CEP89: variants seen among roughly 807,000 people sequenced by gnomAD.
The protein encoded by CEP89 is centrosomal protein of 89 kDa.
A neutral mutation model predicts 97.6 loss-of-function variants in CEP89; 95 were observed. That is an observed-to-expected ratio of 0.97 (90% CI 0.82 to 1.15). The LOEUF (loss-of-function observed/expected upper bound fraction) is 1.15. Among genes scored for constraint, CEP89 ranks in the 50% most tolerant of loss-of-function variants. The pLI is 0.00. For missense variants in CEP89, 869 were observed against 947.7 expected (o/e 0.92, Z 1.09); for synonymous variants, 354 against 349.1 (o/e 1.01, Z -0.16).
chr19:32,943,899 C>T (rs1449167208), intron 5 of CEP89, among the ~76,000 whole-genome samples: 3 of 151,870 alleles, frequency 2.0e-5, no homozygotes, highest in African/African-American at 7.3e-5. Flanking sequence ...GGTCCGTGGA[C>T]GTGCAAGGGG....
At chr19:32,893,333 A>G (rs906554128) in intron 16 of CEP89, among the ~76,000 whole-genome samples, 9 of 152,220 alleles carry the variant, frequency 5.9e-5, no homozygotes, top group African/African-American at 1.7e-4. Flanking sequence ...ATAAGAGGAC[A>G]TATACTCTAA....
chr19:32,899,751 G>A, intron 16 of CEP89, 106 bp downstream of exon 16: 2 of 1,100,858 alleles, frequency 1.8e-6, no homozygotes, highest in African/African-American at 1.6e-5. Flanking sequence ...CGTAAGTCAG[G>A]GAATGCCTGG....
chr19:32,904,027 G>A (rs970636582), intron 14 of CEP89, among the ~76,000 whole-genome samples: 6 of 152,214 alleles, frequency 3.9e-5, no homozygotes, highest in African/African-American at 1.4e-4. Flanking sequence ...GGGAGCAGTG[G>A]CACATGCCTG....
intron 17 of CEP89, among the ~76,000 whole-genome samples, chr19:32,886,520 G>A (rs1392446456): frequency 2.0e-5 from 3 of 152,158 alleles, no homozygotes; most frequent in Admixed American, 6.5e-5. Flanking sequence ...ATTTTGCAGG[G>A]ATTTCCTGAA....
At chr19:32,880,734 G>A (rs1013924554) in intron 18 of CEP89, among the ~76,000 whole-genome samples, 16 of 151,692 alleles carry the variant, frequency 1.1e-4, no homozygotes, top group African/African-American at 2.9e-4. Context: ...GGCTGAACTC[G>A]AAAGAACAGG....
intron 14 of CEP89, among the ~76,000 whole-genome samples, chr19:32,904,835 C>T (rs1449424713): frequency 6.6e-6 from 1 of 152,190 alleles, no homozygotes; most frequent in Non-Finnish European, 1.5e-5. Context: ...CATGATCCAC[C>T]TGCCTCAGCC....
Position 32,878,969 on chromosome 19 carries a change from A to AAT in CEP89, c.*192_*193insAT, listed in dbSNP as rs1969218660. ...AGAGTGAGACCCTAGCTCTAAAAAA[A>AAT]AAAAAAAATTAAAAAATAAAGCAAA... On this transcript the variant is annotated 3_prime_UTR_variant, in exon 19 of 19. Transcript: ENST00000305768. The AAT allele has an allele frequency of 2.8e-5, 13 of 464,622 alleles. 1 individual carries two copies. Among genetic ancestry groups the AAT allele is most frequent in the South Asian group, 5.2e-5 (1 of 19,210 alleles). The allele number at this position is 464,622 out of a possible 1,614,324, so 28.8% of individuals were successfully genotyped here. A position where few individuals can be genotyped will look rare whatever the true frequency, so the allele number is the denominator to read the frequency against.
intron 12 of CEP89, among the ~76,000 whole-genome samples, chr19:32,921,023 G>C (rs1568560881): frequency 1.3e-5 from 2 of 151,498 alleles, no homozygotes; most frequent in African/African-American, 2.4e-5. Context: ...TTGGAGACCA[G>C]CCTGTCCAAC....
rs1755534817 is a variant in CEP89 at position 32,926,246 on chromosome 19, A to G, written c.1108T>C (p.Leu370=). The G allele has an allele frequency of 1.2e-6, 2 of 1,613,170 alleles. No individual in the cohort carries two copies. Among genetic ancestry groups the G allele is most frequent in the South Asian group, 2.2e-5 (2 of 91,054 alleles). ...LLDIKYLSPL[L]LAYEDMMKEK... ...TTCATCATATCTTCATAAGCCAGCA[A>G]CAATGGTGACAGGTACTTTATATCC... Residue 370 remains leucine (L), a synonymous_variant, in exon 11 of 19, where the codon TTG becomes CTG. Transcript: ENST00000305768.
At chr19:32,951,930 T>C (rs749086304) in intron 4 of CEP89, among the ~76,000 whole-genome samples, 1 of 152,082 alleles carries the variant, frequency 6.6e-6, no homozygotes, top group Admixed American at 6.6e-5. Context: ...TATGACTCTA[T>C]GTGTAACATC....
chr19:32,900,832 C>A (rs8111033), intron 15 of CEP89, among the ~76,000 whole-genome samples: 46,136 of 151,496 alleles, frequency 0.3, 7,376 homozygotes, highest in Admixed American at 0.4. Context: ...CATTTTATAG[C>A]CACTATTAGA....
At chr19:32,959,651 C>CT (rs1343524113) in intron 3 of CEP89, among the ~76,000 whole-genome samples, 1 of 152,178 alleles carries the variant, frequency 6.6e-6, no homozygotes, top group Non-Finnish European at 1.5e-5. Flanking sequence ...AAGTCAAAAT[C>CT]TAACAAGATC....
At chr19:32,884,076 A>C (rs1969343298) in intron 17 of CEP89, among the ~76,000 whole-genome samples, 1 of 152,048 alleles carries the variant, frequency 6.6e-6, no homozygotes, top group South Asian at 2.1e-4. Context: ...TCGAACTCTC[A>C]GACTCAACTC....
chr19:32,965,216 T>C (rs772929284), intron 2 of CEP89, among the ~76,000 whole-genome samples: 2 of 152,056 alleles, frequency 1.3e-5, no homozygotes, highest in Non-Finnish European at 2.9e-5. Flanking sequence ...TTGGGCAACA[T>C]AGTGAGACCT....
intron 1 of CEP89, among the ~76,000 whole-genome samples, chr19:32,966,959 G>C (rs112837473): frequency 6.6e-6 from 1 of 152,076 alleles, no homozygotes; most frequent in Non-Finnish European, 1.5e-5. Flanking sequence ...ACGAGTAGAC[G>C]GGACTACAGA....
Position 32,879,086 on chromosome 19 carries a change from G to T in CEP89, c.*76C>A. On this transcript the variant is annotated 3_prime_UTR_variant, in exon 19 of 19. Coordinates refer to ENST00000305768, the MANE Select transcript of CEP89 (RefSeq NM_032816.5). ...TACGCACCTCCGGCTGCCACCATGG[G>T]CTGCCCTGCAGGGAAGGCCTGTGTG... 8.1e-7 allele frequency: 1 copy of T among 1,239,856 alleles called. No homozygotes were observed. The highest frequency in any genetic ancestry group is 1.1e-6 in the Non-Finnish European group (1 of 881,812). 76.8% of individuals were successfully genotyped at this position (1,239,856 alleles called of 1,614,324 possible).
intron 17 of CEP89, among the ~76,000 whole-genome samples, chr19:32,887,054 C>A (rs1406627621): frequency 6.7e-6 from 1 of 150,196 alleles, no homozygotes; most frequent in Non-Finnish European, 1.5e-5. Context: ...AGCCAGACAC[C>A]ATGGTGCTTG....
chr19:32,920,508 T>A (rs187213524), intron 12 of CEP89, among the ~76,000 whole-genome samples: 33 of 151,998 alleles, frequency 2.2e-4, no homozygotes, highest in Admixed American at 2.2e-3. Context: ...ATTTGAGACA[T>A]GGTCTCGCTC....
At chr19:32,899,247 G>C (rs1164979120) in intron 16 of CEP89, among the ~76,000 whole-genome samples, 1 of 151,272 alleles carries the variant, frequency 6.6e-6, no homozygotes, top group East Asian at 1.9e-4. Flanking sequence ...CCTCCTACCT[G>C]AGTTTCCTGA....
Sources: allele counts gnomAD v4.1 joint callset (sites outside exome capture counted in the v4.1 genomes callset), GRCh38; gene constraint gnomAD v4.1.1; transcripts MANE v1.5; gene names NCBI Gene and HGNC (gene_info 2026-07-23, HGNC 2026-07-21).